CADM2: variants seen among roughly 807,000 people sequenced by gnomAD.
CADM2 encodes the protein cell adhesion molecule 2.
Under a neutral mutation model 49.8 loss-of-function variants are expected in CADM2, and 12 were observed. The ratio of observed to expected loss-of-function variants is 0.24; its 90% CI spans 0.15 to 0.39. CADM2 has a LOEUF of 0.39. Ranked by LOEUF, CADM2 falls within the 10% of genes least tolerant of loss-of-function variation. The pLI, the probability that CADM2 is intolerant of heterozygous loss-of-function variation, is 1.00. For missense variants in CADM2, 378 were observed against 492.3 expected (o/e 0.77, Z 2.20); for synonymous variants, 214 against 175.4 (o/e 1.22, Z -1.74).
chr3:85,170,613 A>G (rs1320190586), intron 1 of CADM2, among the ~76,000 whole-genome samples: 4 of 152,194 alleles, frequency 2.6e-5, no homozygotes, highest in Admixed American at 2.6e-4. Flanking sequence ...GATTACAAGC[A>G]TGACTCATCG....
chr3:85,099,469 A>ATTT (rs56797775), intron 1 of CADM2, among the ~76,000 whole-genome samples: 18 of 144,524 alleles, frequency 1.2e-4, no homozygotes, highest in African/African-American at 2.3e-4. Flanking sequence ...CATGAATTAA[A>ATTT]TTTTTTTTTT....
chr3:85,107,632 T>TTTCC (rs2038291360), intron 1 of CADM2, among the ~76,000 whole-genome samples: 1 of 55,624 alleles, frequency 1.8e-5, no homozygotes, highest in South Asian at 6.3e-4. Context: ...TTTCTTTCTT[T>TTTCC]TTCTTTCTTT....
At chr3:86,028,989 G>A (rs1415872919) in intron 8 of CADM2, among the ~76,000 whole-genome samples, 1 of 152,060 alleles carries the variant, frequency 6.6e-6, no homozygotes, top group Non-Finnish European at 1.5e-5. Context: ...GGCTGGATAG[G>A]GATACAATGA....
chr3:86,050,314 C>T (rs139368242), intron 8 of CADM2, among the ~76,000 whole-genome samples: 22 of 152,294 alleles, frequency 1.4e-4, no homozygotes, highest in Middle Eastern at 6.8e-3. Flanking sequence ...ACTAAAGCCT[C>T]GAGCAGCTCC....
chr3:85,752,054 G>T (rs994487548), intron 2 of CADM2, among the ~76,000 whole-genome samples: 2 of 150,108 alleles, frequency 1.3e-5, no homozygotes, highest in African/African-American at 5.0e-5. Flanking sequence ...GTTTAACAAA[G>T]AAGTGGATAG....
intron 1 of CADM2, among the ~76,000 whole-genome samples, chr3:84,961,373 T>G (rs73137638): frequency 0.048 from 7,373 of 152,212 alleles, 227 homozygotes; most frequent in Admixed American, 0.089. Flanking sequence ...GTGGTACTTT[T>G]GTGTATTTTA....
chr3:85,909,123 G>A (rs1055526802), intron 5 of CADM2, among the ~76,000 whole-genome samples: 4 of 152,004 alleles, frequency 2.6e-5, no homozygotes, highest in Admixed American at 1.3e-4. Flanking sequence ...ACCTCACACC[G>A]CTTTTGATGT....
chr3:85,152,296 T>C (rs368543199), intron 1 of CADM2, among the ~76,000 whole-genome samples: 1 of 152,162 alleles, frequency 6.6e-6, no homozygotes, highest in African/African-American at 2.4e-5. Flanking sequence ...CCTCTGTATG[T>C]GGGTGAGTGT....
chr3:85,193,337 A>T (rs927732971), intron 1 of CADM2, among the ~76,000 whole-genome samples: 2 of 147,380 alleles, frequency 1.4e-5, no homozygotes, highest in African/African-American at 5.1e-5. Context: ...TATCTAAAAA[A>T]TTTGTATCTA....
At chr3:85,397,281 C>T (rs2034838556) in intron 1 of CADM2, among the ~76,000 whole-genome samples, 1 of 152,078 alleles carries the variant, frequency 6.6e-6, no homozygotes, top group African/African-American at 2.4e-5. Flanking sequence ...AGGATGAGGA[C>T]AAGTTGAAAT....
At chr3:84,960,650 G>C (rs1243066124) in intron 1 of CADM2, among the ~76,000 whole-genome samples, 1 of 152,182 alleles carries the variant, frequency 6.6e-6, no homozygotes, top group Non-Finnish European at 1.5e-5. Context: ...CAGCAGTGGA[G>C]GGAAACCGCA....
chr3:85,306,106 A>G (rs997248661), intron 1 of CADM2, among the ~76,000 whole-genome samples: 3 of 151,668 alleles, frequency 2.0e-5, no homozygotes, highest in Admixed American at 2.0e-4. Context: ...TTAATTATCC[A>G]TAGGTAGGTT....
chr3:85,588,613 T>C (rs1472269721), intron 1 of CADM2, among the ~76,000 whole-genome samples: 1 of 152,118 alleles, frequency 6.6e-6, no homozygotes, highest in African/African-American at 2.4e-5. Flanking sequence ...TCTAAGTACC[T>C]CTGTATCATC....
intron 1 of CADM2, among the ~76,000 whole-genome samples, chr3:85,007,510 A>G (rs963185631): frequency 1.3e-5 from 2 of 152,304 alleles, no homozygotes; most frequent in African/African-American, 4.8e-5. Flanking sequence ...GCATACAAAG[A>G]AATTATTAAA....
At chr3:85,304,501 CATT>C (rs1308272442) in intron 1 of CADM2, among the ~76,000 whole-genome samples, 2 of 151,672 alleles carry the variant, frequency 1.3e-5, no homozygotes, top group Non-Finnish European at 3.0e-5. Context: ...TGGTTATTGA[CATT>C]ATCAAAAAAG....
At chr3:85,277,922 T>C (rs72919243) in intron 1 of CADM2, among the ~76,000 whole-genome samples, 1,755 of 151,456 alleles carry the variant, frequency 0.012, 32 homozygotes, top group African/African-American at 0.04. Flanking sequence ...TTTTGACTCA[T>C]TTAGGCTACA....
chr3:85,639,195 T>C (rs2064623530), intron 1 of CADM2, among the ~76,000 whole-genome samples: 1 of 152,214 alleles, frequency 6.6e-6, no homozygotes, highest in Non-Finnish European at 1.5e-5. Flanking sequence ...TTAAAGATGT[T>C]TCAAATCTTT....
At chr3:85,545,556 G>A (rs556951616) in intron 1 of CADM2, among the ~76,000 whole-genome samples, 49 of 152,172 alleles carry the variant, frequency 3.2e-4, no homozygotes, top group Middle Eastern at 3.4e-3. Flanking sequence ...AATTACTCCC[G>A]TAAGCTCAAG....
rs1044539061 is a variant in CADM2, at chr3:85,449,073, T to C, written c.62-277449T>C. 6.8e-5 allele frequency among the ~76,000 whole-genome samples: 10 copies of C among 148,046 alleles called. 1 individual carries two copies. The highest frequency in any genetic ancestry group is 2.4e-4 in the African/African-American group (10 of 41,016). On this transcript the variant is annotated intron_variant, in intron 1 of 9. Transcript: ENST00000383699. ...TCAAAAATAATAATAATAATAATAA[T>C]AATGATAAAAATTATATAATTCATT... is the stretch of plus-strand genomic sequence containing the variant.
Sources: gnomAD v4.1 joint callset for allele counts (sites outside exome capture counted in the v4.1 genomes callset) on GRCh38, gnomAD v4.1.1 for gene constraint, MANE v1.5 for transcripts, NCBI Gene and HGNC (gene_info 2026-07-23, HGNC 2026-07-21) for gene names.